The following SSBP1 variants were observed in gnomAD, a reference collection of about 807,000 sequenced individuals.
The protein encoded by SSBP1 is single-stranded DNA-binding protein, mitochondrial.
A neutral mutation model predicts 27.0 loss-of-function variants in SSBP1; 20 were observed. The ratio of observed to expected loss-of-function variants is 0.74; its 90% CI spans 0.52 to 1.08. The LOEUF (loss-of-function observed/expected upper bound fraction) is 1.08, where lower values mean the gene tolerates loss of function less well. SSBP1 is among the 50% of genes least tolerant of loss of function. The pLI, the probability that SSBP1 is intolerant of heterozygous loss-of-function variation, is 0.00. For synonymous variants in SSBP1, 59 were observed against 59.3 expected, an observed-to-expected ratio of 1.00 and a Z score of 0.02; for missense variants, 137 against 182.4, an observed-to-expected ratio of 0.75 and a Z score of 1.44.
chr7:141,746,236 G>T (rs1799785305), intron 6 of SSBP1: 1 of 152,950 alleles, frequency 6.5e-6, no homozygotes. Context: ...GGTCAGGCTG[G>T]TCTTGAACTC....
chr7:141,745,155 C>T (rs1188884509), intron 5 of SSBP1, among the ~76,000 whole-genome samples: 2 of 152,138 alleles, frequency 1.3e-5, no homozygotes, highest in Non-Finnish European at 2.9e-5. Flanking sequence ...TTAGGGACTC[C>T]AAAATCAAAG....
At chr7:141,748,063 G>GA (rs1189491679) in intron 6 of SSBP1, among the ~76,000 whole-genome samples, 6 of 142,332 alleles carry the variant, frequency 4.2e-5, no homozygotes, top group Non-Finnish European at 7.6e-5. Context: ...TATAAGAGCA[G>GA]AAAAAATGGT....
At chr7:141,744,788 C>T (rs987219574) in intron 5 of SSBP1, among the ~76,000 whole-genome samples, 4 of 152,162 alleles carry the variant, frequency 2.6e-5, no homozygotes, top group African/African-American at 7.2e-5. Flanking sequence ...TCTGCACTCC[C>T]ACTTACTGAT....
At chr7:141,744,239 A>T (rs1799680707) in intron 5 of SSBP1, among the ~76,000 whole-genome samples, 3 of 152,252 alleles carry the variant, frequency 2.0e-5, no homozygotes, top group Admixed American at 2.0e-4. Flanking sequence ...CAGGGTGTGT[A>T]CATAAATAGA....
At chr7:141,741,785 A>G (rs1799543162) in intron 2 of SSBP1, 2 of 1,002,690 alleles carry the variant, frequency 2.0e-6, no homozygotes, top group Non-Finnish European at 1.2e-6. Flanking sequence ...CTTGGCAGCA[A>G]CTCTTAGGTA....
chr7:141,738,968 A>C (rs890164084), intron 1 of SSBP1, 156 bp from the exon 2 acceptor site: 9 of 449,716 alleles, frequency 2.0e-5, no homozygotes, highest in African/African-American at 1.8e-4. Context: ...GGAGGGAGGA[A>C]GGAATCCTCA....
rs1391784112 is a variant in SSBP1, at chr7:141,745,922, G to A, written c.403+338G>A. 30 of 1,032,688 alleles carry A rather than the reference G, an allele frequency of 2.9e-5. No individual in the cohort carries two copies. In the South Asian group the frequency reaches 6.3e-4, roughly 22 times the overall value. The allele number at this position is 1,032,688 out of a possible 1,614,324, so 64.0% of individuals were successfully genotyped here. A position where few individuals can be genotyped will look rare whatever the true frequency, so the allele number is the denominator to read the frequency against. On this transcript the variant is annotated intron_variant, in intron 6 of 6. Transcript: ENST00000265304. ...GATCTAGCCCTAACCAGGAAGAAGC[G>A]TATGCCAAGATAAGAATTACACTAA...
intron 5 of SSBP1, among the ~76,000 whole-genome samples, chr7:141,745,128 A>T (rs531262424): frequency 3.1e-4 from 48 of 152,382 alleles, no homozygotes; most frequent in African/African-American, 1.1e-3. Flanking sequence ...TTGATAAATA[A>T]GTGAAAATCA....
rs201360438 is a variant in SSBP1 at position 141,742,260 on chromosome 7, T to C, written c.85+31T>C. The C allele has an allele frequency of 9.6e-5, 147 of 1,537,436 alleles. No homozygotes were observed. The East Asian group carries it at 3.1e-3, about 32-fold the overall frequency. On this transcript the variant is annotated intron_variant, in intron 3 of 6. Coordinates refer to ENST00000265304, the MANE Select transcript of SSBP1 (RefSeq NM_003143.3). ...TAGCTAATTTCCAAGTTTAAAATGT[T>C]ATTTTTAGTAATTTGCCAATCTCAA...
At chr7:141,745,256 C>T (rs1164263582) in intron 5 of SSBP1, among the ~76,000 whole-genome samples, 1 of 152,144 alleles carries the variant, frequency 6.6e-6, no homozygotes, top group Non-Finnish European at 1.5e-5. Context: ...TATTTTTTAA[C>T]TTCCGTAAGA....
At chr7:141,742,052 T>A in intron 2 of SSBP1, 117 bp from the exon 3 acceptor site, 1 of 766,526 alleles carries the variant, frequency 1.3e-6, no homozygotes, top group South Asian at 2.0e-5. Flanking sequence ...GCTTCTCTTC[T>A]CTTCTGGAAT....
chr7:141,749,191 A>T (rs1054117515), intron 6 of SSBP1, among the ~76,000 whole-genome samples: 1 of 152,234 alleles, frequency 6.6e-6, no homozygotes, highest in African/African-American at 2.4e-5. Flanking sequence ...TGTATTAGAT[A>T]TTGTAAGTAA....
chr7:141,748,348 C>T (rs186299233), intron 6 of SSBP1, among the ~76,000 whole-genome samples: 1 of 152,266 alleles, frequency 6.6e-6, no homozygotes, highest in African/African-American at 2.4e-5. Flanking sequence ...AACATTCATA[C>T]ATTATATTAC....
In SSBP1 at chr7:141,742,302, G is replaced by T. The variant is rs1265026031; in HGVS notation, c.85+73G>T. ...CAATCTCAAATGTGTTGTAGAAGAG[G>T]TATGCTGCTTGGGTTAACCATGTTG... On this transcript the variant is annotated intron_variant, in intron 3 of 6. Transcript: ENST00000265304. 9 of 1,176,258 alleles carry T rather than the reference G, an allele frequency of 7.7e-6. No homozygotes were observed. In the Admixed American group the frequency reaches 1.4e-4, roughly 18 times the overall value. 72.9% of individuals were successfully genotyped at this position (1,176,258 alleles called of 1,614,324 possible). A position where few individuals can be genotyped will look rare whatever the true frequency, so the allele number is the denominator to read the frequency against.
chr7:141,743,969 A>G lies in SSBP1; in HGVS notation c.294A>G (p.Ala98=), dbSNP rs1480065810. The change falls in exon 5 of 7, where the codon GCA becomes GCG. Residue 98 remains alanine (A), a synonymous_variant. Transcript: ENST00000265304. ...TCCGGCCAGGCCTCAGAGACGTGGC[A>G]TATCAATATGTGAAAAAGGGGTAAG... The part of the protein sequence containing the change: ...SVFRPGLRDV[A]YQYVKKGSRI... The G allele has an allele frequency of 6.2e-7, 1 of 1,613,032 alleles. No homozygotes were observed. Among genetic ancestry groups the G allele is most frequent in the Non-Finnish European group, 8.5e-7 (1 of 1,179,878 alleles).
At chr7:141,738,890 T>C (rs1799393273) in intron 1 of SSBP1, 4 of 358,804 alleles carry the variant, frequency 1.1e-5, no homozygotes, top group Non-Finnish European at 1.5e-5. Context: ...AATCAAAATT[T>C]TGTCGATGGG....
intron 3 of SSBP1, among the ~76,000 whole-genome samples, chr7:141,742,450 A>G (rs545336740): frequency 8.2e-4 from 125 of 152,294 alleles, no homozygotes; most frequent in Non-Finnish European, 1.4e-3. Flanking sequence ...ATTCTTGTCA[A>G]CACTGTCCTG....
chr7:141,744,471 G>A (rs1799693192), intron 5 of SSBP1, among the ~76,000 whole-genome samples: 1 of 152,180 alleles, frequency 6.6e-6, no homozygotes, highest in African/African-American at 2.4e-5. Context: ...ATGATTTTCT[G>A]TAGGCTTAAT....
Position 141,745,775 on chromosome 7 carries a change from T to A in SSBP1, c.403+191T>A, listed in dbSNP as rs1408135737. On this transcript the variant is annotated intron_variant, in intron 6 of 6. Transcript: ENST00000265304. ...TACATTTATCCCTTCCTTTAAAAAATTATTTTTATACTTACAGTTTTAGTC... is the reference window on the plus strand; with the variant it reads ...TACATTTATCCCTTCCTTTAAAAAAATATTTTTATACTTACAGTTTTAGTC... The A allele has an allele frequency of 9.8e-6, 13 of 1,329,104 alleles. No individual in the cohort carries two copies. In the East Asian group the frequency reaches 3.6e-4, roughly 37 times the overall value. The allele number at this position is 1,329,104 out of a possible 1,614,324, so 82.3% of individuals were successfully genotyped here. A position where few individuals can be genotyped will look rare whatever the true frequency, so the allele number is the denominator to read the frequency against.
Sources: gnomAD v4.1 joint callset for allele counts (sites outside exome capture counted in the v4.1 genomes callset) on GRCh38, gnomAD v4.1.1 for gene constraint, MANE v1.5 for transcripts, NCBI Gene and HGNC (gene_info 2026-07-23, HGNC 2026-07-21) for gene names.